The following MUSK variants were observed in gnomAD, a reference collection of about 807,000 sequenced individuals.
MUSK encodes the protein muscle, skeletal receptor tyrosine-protein kinase.
In MUSK, 55 loss-of-function variants were observed where a neutral mutation model predicts 88.7. The ratio of observed to expected loss-of-function variants is 0.62; its 90% CI spans 0.50 to 0.78. The LOEUF is 0.78. Among genes scored for constraint, MUSK ranks in the 30% least tolerant of loss-of-function variants. The probability of loss-of-function intolerance (pLI) is 0.00; values close to 1 mark genes in which losing one functional copy is unlikely to be tolerated. For synonymous variants in MUSK, 387 were observed against 391.9 expected (o/e 0.99, Z 0.15); for missense variants, 1,015 against 1,074.3 (o/e 0.94, Z 0.77).
intron 6 of MUSK, among the ~76,000 whole-genome samples, chr9:110,746,242 T>G (rs2077173448): frequency 6.6e-6 from 1 of 152,214 alleles, no homozygotes; most frequent in African/African-American, 2.4e-5. Flanking sequence ...TAAGCAGCGT[T>G]AATTAAAGAT....
At chr9:110,780,257 C>A (rs1445606297) in intron 11 of MUSK, among the ~76,000 whole-genome samples, 1 of 152,190 alleles carries the variant, frequency 6.6e-6, no homozygotes, top group Non-Finnish European at 1.5e-5. Flanking sequence ...AAGTCAGACA[C>A]CAATTCTTTC....
At position 110,775,783 on chromosome 9, in the gene MUSK, T is replaced by C; in HGVS notation, c.1185-5T>C. 6.2e-7 allele frequency: 1 copy of C among 1,613,606 alleles called. No homozygotes were observed. The highest frequency in any genetic ancestry group is 8.5e-7 in the Non-Finnish European group (1 of 1,179,598). ...TCAAGTTTTGTTCTCCATATACTAT[T>C]TTAGAGAGTACTGCTTGGCAGTAAA... On this transcript the variant is annotated splice_polypyrimidine_tract_variant and splice_region_variant and intron_variant, in intron 9 of 14. Coordinates refer to ENST00000374448, the MANE Select transcript of MUSK (RefSeq NM_005592.4).
intron 1 of MUSK, among the ~76,000 whole-genome samples, chr9:110,676,433 T>A (rs758590146): frequency 6.6e-6 from 1 of 151,688 alleles, no homozygotes; most frequent in East Asian, 1.9e-4. Context: ...AAGTGCAGGA[T>A]GTGCAGTTTT....
intron 5 of MUSK, among the ~76,000 whole-genome samples, chr9:110,726,252 T>C (rs1164164873): frequency 6.6e-6 from 1 of 152,040 alleles, no homozygotes; most frequent in African/African-American, 2.4e-5. Context: ...TTAGACATTC[T>C]TTCATGTCTT....
At chr9:110,744,385 A>T (rs544247429) in intron 6 of MUSK, among the ~76,000 whole-genome samples, 2 of 152,212 alleles carry the variant, frequency 1.3e-5, no homozygotes, top group Non-Finnish European at 2.9e-5. Context: ...GTCAAATCAT[A>T]AAATTATCGG....
intron 7 of MUSK, among the ~76,000 whole-genome samples, chr9:110,758,011 T>C (rs894999192): frequency 5.3e-5 from 8 of 152,196 alleles, no homozygotes; most frequent in African/African-American, 1.9e-4. Flanking sequence ...TCCTCCCAAG[T>C]TGGAATGCAG....
chr9:110,762,253 G>A (rs200968516), intron 8 of MUSK, 45 bp downstream of exon 8: 50 of 1,371,850 alleles, frequency 3.6e-5, no homozygotes, highest in Middle Eastern at 3.8e-4. Flanking sequence ...GTTTTGTTTT[G>A]TAGGGATTTC....
chr9:110,784,832 T>C lies in MUSK; in HGVS notation c.1402T>C (p.Ser468Pro). 6.2e-7 allele frequency: 1 copy of C among 1,611,530 alleles called. No individual in the cohort carries two copies. Among genetic ancestry groups the C allele is most frequent in the Non-Finnish European group, 8.5e-7 (1 of 1,178,666 alleles). ...ACTTACAGCATTCCCACCAATGACG[T>C]CCTCAAAGCCAAGTGTGGACATTCC... is the stretch of plus-strand genomic sequence containing the variant. ...ENLKTFPPMTSSKPSVDIPNL... is the reference protein window; with the variant it reads ...ENLKTFPPMTPSKPSVDIPNL... Residue 468 changes from serine (S) to proline (P), a missense_variant, in exon 12 of 15, where the codon TCC becomes CCC. Physicochemically the swap from Ser to Pro is moderately conservative, Grantham distance 74. Coordinates refer to ENST00000374448, the MANE Select transcript of MUSK (RefSeq NM_005592.4).
intron 7 of MUSK, among the ~76,000 whole-genome samples, chr9:110,749,532 T>C (rs2077221785): frequency 2.0e-5 from 3 of 152,176 alleles, no homozygotes; most frequent in African/African-American, 7.2e-5. Context: ...AGAGCCTGCA[T>C]AGGTTTAGTA....
At position 110,760,886 on chromosome 9, in the gene MUSK, T is replaced by C. The variant is rs546860936; in HGVS notation, c.914-1316T>C. Among the ~76,000 whole-genome samples the C allele has an allele frequency of 2.0e-5, 3 of 152,240 alleles. No homozygotes were observed. In the East Asian group the frequency reaches 5.8e-4, roughly 29 times the overall value. ...TCATTGTATTTTAAGAAGATTGACC[T>C]CTCAGAGAAATTCATGTTACAGCCC... On this transcript the variant is annotated intron_variant, in intron 7 of 14. Transcript: ENST00000374448.
rs1430587396 is a variant in MUSK, at chr9:110,680,300, C to G, written c.80-2374C>G. ...TATTAAGGAATTAAACTTTTTCTTT[C>G]TGGTAGAGTTTAAGATTTTATTTAT... On this transcript the variant is annotated intron_variant, in intron 1 of 14. Coordinates refer to ENST00000374448, the MANE Select transcript of MUSK (RefSeq NM_005592.4). Among the ~76,000 whole-genome samples the G allele has an allele frequency of 2.6e-5, 4 of 151,762 alleles. No individual in the cohort carries two copies. The East Asian group carries it at 7.7e-4, about 29-fold the overall frequency.
intron 5 of MUSK, among the ~76,000 whole-genome samples, chr9:110,703,114 C>G (rs1018654381): frequency 1.3e-5 from 2 of 152,088 alleles, no homozygotes; most frequent in Non-Finnish European, 2.9e-5. Context: ...CAGAAAACAA[C>G]CTACCTTGAG....
chr9:110,699,044 G>A (rs978642767), intron 5 of MUSK, among the ~76,000 whole-genome samples: 2 of 152,000 alleles, frequency 1.3e-5, no homozygotes, highest in African/African-American at 4.8e-5. Context: ...GATCATTTAG[G>A]TCACTAGCTT....
At chr9:110,733,779 G>A (rs1219745925) in intron 5 of MUSK, among the ~76,000 whole-genome samples, 1 of 152,036 alleles carries the variant, frequency 6.6e-6, no homozygotes, top group East Asian at 1.9e-4. Context: ...AATCTAATGG[G>A]AAAGGGGAAT....
In MUSK at chr9:110,775,800, G is replaced by T; in HGVS notation, c.1197G>T (p.Leu399Phe). Residue 399 changes from leucine (L) to phenylalanine (F), a missense_variant, in exon 10 of 15, where the codon TTG (leucine) becomes TTT (phenylalanine). Physicochemically the swap from Leu to Phe is conservative, Grantham distance 22 (BLOSUM62 0). Transcript: ENST00000374448. Reference sequence around the variant, plus strand: ...TATACTATTTTAGAGAGTACTGCTTGGCAGTAAAGGAGCTCTTCTGCGCAA... The same window carrying T: ...TATACTATTTTAGAGAGTACTGCTTTGCAGTAAAGGAGCTCTTCTGCGCAA... Reference protein sequence around the residue: ...TPIPICREYCLAVKELFCAKE... With the variant: ...TPIPICREYCFAVKELFCAKE... The T allele has an allele frequency of 6.2e-7, 1 of 1,613,430 alleles. No homozygotes were observed. The highest frequency in any genetic ancestry group is 1.1e-5 in the South Asian group (1 of 91,054).
chr9:110,764,595 TAGATAGATTAGATAGATAGA>T (rs991461939), intron 8 of MUSK, among the ~76,000 whole-genome samples: 13 of 138,394 alleles, frequency 9.4e-5, no homozygotes, highest in African/African-American at 3.1e-4. Flanking sequence ...GATAGATAGA[TAGATAGATTAGATAGATAGA>T]TAGATAGATA....
chr9:110,762,917 A>G (rs879405490), intron 8 of MUSK, among the ~76,000 whole-genome samples: 1 of 152,204 alleles, frequency 6.6e-6, no homozygotes, highest in Non-Finnish European at 1.5e-5. Flanking sequence ...TACAGTGACT[A>G]TCATTAATAA....
intron 8 of MUSK, among the ~76,000 whole-genome samples, chr9:110,765,722 C>T (rs1264434516): frequency 2.0e-5 from 3 of 151,810 alleles, no homozygotes; most frequent in Non-Finnish European, 2.9e-5. Flanking sequence ...TACAGATGTC[C>T]GCCACCACGC....
At chr9:110,762,175 T>C in intron 7 of MUSK, 27 bp from the exon 8 acceptor site, 1 of 1,433,888 alleles carries the variant, frequency 7.0e-7, no homozygotes, top group Non-Finnish European at 9.2e-7. Flanking sequence ...TTTGACTTCC[T>C]GTGGGAACTT....
Sources: allele counts gnomAD v4.1 joint callset (sites outside exome capture counted in the v4.1 genomes callset), GRCh38; gene constraint gnomAD v4.1.1; transcripts MANE v1.5; gene names NCBI Gene and HGNC (gene_info 2026-07-23, HGNC 2026-07-21).